The following EPB41L4B variants were observed in gnomAD, a reference collection of about 807,000 sequenced individuals.
EPB41L4B encodes the protein erythrocyte membrane protein band 4.1 like 4B, also known as band 4.1-like protein 4B.
In EPB41L4B, 30 loss-of-function variants were observed where a neutral mutation model predicts 112.5. That is an observed-to-expected ratio of 0.27 (90% CI 0.20 to 0.36). The LOEUF (loss-of-function observed/expected upper bound fraction) is 0.36, where lower values mean the gene tolerates loss of function less well. EPB41L4B is among the 10% of genes least tolerant of loss of function. EPB41L4B has a pLI of 1.00. For synonymous variants in EPB41L4B, 408 were observed against 439.7 expected (o/e 0.93, Z 0.90); for missense variants, 1,024 against 1,133.3 (o/e 0.90, Z 1.38).
rs536047433 is a variant in EPB41L4B, at chr9:109,191,392, G to T, written c.2301+886C>A. Among the ~76,000 whole-genome samples the T allele has an allele frequency of 2.8e-4, 42 of 152,266 alleles. 1 individual carries two copies. Among genetic ancestry groups the T allele is most frequent in the African/African-American group, 9.6e-4 (40 of 41,566 alleles). The stretch of plus-strand genomic sequence containing the variant: ...CAAGGACCTCAGTTGTCCCATGCCT[G>T]AGCAGTGAAACAGGCCCATACCCAT... On this transcript the variant is annotated intron_variant, in intron 22 of 25. Transcript: ENST00000374566.
intron 15 of EPB41L4B, among the ~76,000 whole-genome samples, chr9:109,235,173 CAG>C: frequency 6.6e-6 from 1 of 152,280 alleles, no homozygotes; most frequent in African/African-American, 2.4e-5. Context: ...TATTCTCGGA[CAG>C]AAATATCATT....
Position 109,256,120 on chromosome 9 carries a change from GACAAAACTAAATT to G in EPB41L4B, c.929+3_929+15del. On this transcript the variant is annotated splice_donor_5th_base_variant and intron_variant, in intron 9 of 25. Transcript: ENST00000374566. ...ATAGGAAAAGACATTTTTAATATTA[GACAAAACTAAATT>G]ACCAAAAGAATAAGCCTATTTTGTT... is the stretch of plus-strand genomic sequence containing the variant. The G allele has an allele frequency of 2.5e-6, 4 of 1,601,156 alleles. No homozygotes were observed. Among genetic ancestry groups the G allele is most frequent in the Middle Eastern group, 1.7e-4 (1 of 6,036 alleles).
intron 6 of EPB41L4B, among the ~76,000 whole-genome samples, chr9:109,260,410 CTTTT>C (rs35040371): frequency 2.9e-5 from 3 of 102,492 alleles, no homozygotes; most frequent in East Asian, 2.9e-4. Context: ...TCAATTGTAT[CTTTT>C]TTTTTTTTTT....
intron 1 of EPB41L4B, among the ~76,000 whole-genome samples, chr9:109,292,156 T>C (rs1836559886): frequency 6.6e-6 from 1 of 152,194 alleles, no homozygotes; most frequent in South Asian, 2.1e-4. Context: ...TATAGGTCTG[T>C]CCAAACATGT....
chr9:109,267,653 C>A, intron 3 of EPB41L4B, 102 bp from the exon 4 acceptor site: 1 of 776,306 alleles, frequency 1.3e-6, no homozygotes, highest in Non-Finnish European at 2.2e-6. Context: ...ACATTTAGCA[C>A]AACATCAGGA....
At chr9:109,216,646 T>C (rs1298966758) in intron 16 of EPB41L4B, among the ~76,000 whole-genome samples, 3 of 35,544 alleles carry the variant, frequency 8.4e-5, no homozygotes, top group Non-Finnish European at 1.4e-4. Context: ...AGACTCCATC[T>C]CAAAAAAAAA....
intron 1 of EPB41L4B, among the ~76,000 whole-genome samples, chr9:109,297,779 C>T (rs537143215): frequency 4.6e-5 from 7 of 152,362 alleles, no homozygotes; most frequent in South Asian, 4.1e-4. Flanking sequence ...TCTTGAACCC[C>T]AAGCTCCTTG....
intron 1 of EPB41L4B, among the ~76,000 whole-genome samples, chr9:109,299,667 T>C (rs1034746501): frequency 6.6e-6 from 1 of 152,128 alleles, no homozygotes; most frequent in Non-Finnish European, 1.5e-5. Context: ...ACTCAAAGAA[T>C]TACCACAAGT....
chr9:109,247,202 C>T (rs771432030), intron 14 of EPB41L4B, among the ~76,000 whole-genome samples: 2 of 144,948 alleles, frequency 1.4e-5, no homozygotes, highest in African/African-American at 2.6e-5. Context: ...TAATCAGGGG[C>T]GTGAGAGGGG....
intron 15 of EPB41L4B, chr9:109,240,293 C>G (rs1834309075): frequency 1.0e-6 from 1 of 985,274 alleles, no homozygotes; most frequent in Non-Finnish European, 1.2e-6. Context: ...ATGGAATACA[C>G]CTGTAAACAA....
intron 21 of EPB41L4B, among the ~76,000 whole-genome samples, 195 bp from the exon 22 acceptor site, chr9:109,192,550 G>A (rs1425026471): frequency 6.6e-6 from 1 of 152,206 alleles, no homozygotes; most frequent in Non-Finnish European, 1.5e-5. Flanking sequence ...ATAGGTAGAA[G>A]TAGGCATGGT....
intron 2 of EPB41L4B, among the ~76,000 whole-genome samples, chr9:109,278,268 A>G (rs1292624254): frequency 2.0e-5 from 3 of 152,036 alleles, no homozygotes; most frequent in African/African-American, 7.2e-5. Context: ...AGGAGGACAC[A>G]GTTTGGGGGT....
At chr9:109,225,554 G>T (rs1281448109) in intron 15 of EPB41L4B, among the ~76,000 whole-genome samples, 3 of 149,706 alleles carry the variant, frequency 2.0e-5, no homozygotes, top group Admixed American at 1.3e-4. Flanking sequence ...TACCACAGTA[G>T]GGGGGAAACT....
chr9:109,213,297 C>G (rs1467662295), intron 17 of EPB41L4B, among the ~76,000 whole-genome samples: 2 of 152,380 alleles, frequency 1.3e-5, no homozygotes, highest in East Asian at 3.9e-4. Flanking sequence ...CCTTCTCCTT[C>G]TGTATCTTAA....
At chr9:109,300,908 A>G (rs771302112) in intron 1 of EPB41L4B, 4 of 152,218 alleles carry the variant, frequency 2.6e-5, no homozygotes, top group Non-Finnish European at 5.9e-5. Flanking sequence ...CTGTTACTCT[A>G]CTATCCCTAG....
At chr9:109,204,863 A>G (rs1181515011) in intron 18 of EPB41L4B, among the ~76,000 whole-genome samples, 2 of 152,062 alleles carry the variant, frequency 1.3e-5, no homozygotes, top group Non-Finnish European at 2.9e-5. Flanking sequence ...TCCTTTCCTT[A>G]TACTCTCACT....
intron 2 of EPB41L4B, among the ~76,000 whole-genome samples, chr9:109,272,747 T>C (rs1237184387): frequency 1.3e-5 from 2 of 152,186 alleles, no homozygotes; most frequent in Non-Finnish European, 2.9e-5. Context: ...AGTAAGACCC[T>C]ATCTCAAATA....
intron 15 of EPB41L4B, among the ~76,000 whole-genome samples, chr9:109,238,861 G>GAT: frequency 1.3e-5 from 2 of 152,336 alleles, no homozygotes; most frequent in Middle Eastern, 6.8e-3. Flanking sequence ...GTAACAGCAG[G>GAT]GTGTGGCACA....
chr9:109,285,556 C>T (rs1343652351), intron 1 of EPB41L4B, among the ~76,000 whole-genome samples: 1 of 152,152 alleles, frequency 6.6e-6, no homozygotes, highest in Non-Finnish European at 1.5e-5. Context: ...TCCCAACAGC[C>T]CTTTCCAGCT....
Sources: allele counts gnomAD v4.1 joint callset (sites outside exome capture counted in the v4.1 genomes callset), GRCh38; gene constraint gnomAD v4.1.1; transcripts MANE v1.5; gene names NCBI Gene and HGNC (gene_info 2026-07-23, HGNC 2026-07-21).